ZDHHC21: variants seen among roughly 807,000 people sequenced by gnomAD.
The protein encoded by ZDHHC21 is palmitoyltransferase ZDHHC21.
Under a neutral mutation model 34.6 loss-of-function variants are expected in ZDHHC21, and 15 were observed. The observed-to-expected ratio is 0.43, with a 90% confidence interval of 0.29 to 0.67. ZDHHC21 has a LOEUF of 0.67. ZDHHC21 is among the 30% of genes least tolerant of loss of function. The probability of loss-of-function intolerance (pLI) is 0.14; values close to 1 mark genes in which losing one functional copy is unlikely to be tolerated. For missense variants in ZDHHC21, 344 were observed against 327.7 expected, an observed-to-expected ratio of 1.05 and a Z score of -0.38; for synonymous variants, 142 against 101.8, an observed-to-expected ratio of 1.40 and a Z score of -2.38.
chr9:14,659,996 T>G (rs1382640008), intron 6 of ZDHHC21, among the ~76,000 whole-genome samples: 1 of 152,212 alleles, frequency 6.6e-6, no homozygotes, highest in African/African-American at 2.4e-5. Flanking sequence ...AGCATTCTTC[T>G]TAACCAGAAC....
intron 7 of ZDHHC21, among the ~76,000 whole-genome samples, chr9:14,642,561 C>G (rs1222291039): frequency 6.6e-6 from 1 of 152,086 alleles, no homozygotes; most frequent in Non-Finnish European, 1.5e-5. Flanking sequence ...TAAAATGAGG[C>G]CCTTAGGGTG....
At chr9:14,604,564 T>C in the ZDHHC21 span, among the ~76,000 whole-genome samples, 4 of 152,242 alleles carry the variant, frequency 2.6e-5, no homozygotes, top group Middle Eastern at 3.4e-3. Context: ...ATCTGTAACA[T>C]TGCATGTTTT....
intron 8 of ZDHHC21, among the ~76,000 whole-genome samples, chr9:14,625,324 A>G (rs1826016943): frequency 6.6e-6 from 1 of 152,062 alleles, no homozygotes; most frequent in African/African-American, 2.4e-5. Flanking sequence ...TTCCAACAAA[A>G]GACCAGCTAT....
rs950501334 is a variant in ZDHHC21, at chr9:14,687,218, T to C, written c.-176+3119A>G. ...ACAGGCCAATCACCCATGAGTCAAATCCCAGTCACTTGCTGGCTTAAAATC... is the reference window on the plus strand; with the variant it reads ...ACAGGCCAATCACCCATGAGTCAAACCCCAGTCACTTGCTGGCTTAAAATC... On this transcript the variant is annotated intron_variant, in intron 2 of 9. Coordinates refer to ENST00000380916, the MANE Select transcript of ZDHHC21 (RefSeq NM_178566.6). Among the ~76,000 whole-genome samples, 4 of 150,716 alleles carry C rather than the reference T, an allele frequency of 2.7e-5. No individual in the cohort carries two copies. In the South Asian group the frequency reaches 6.2e-4, roughly 23 times the overall value.
At chr9:14,628,609 G>A (rs947714248) in intron 8 of ZDHHC21, among the ~76,000 whole-genome samples, 1 of 152,002 alleles carries the variant, frequency 6.6e-6, no homozygotes, top group Non-Finnish European at 1.5e-5. Flanking sequence ...TGCAATGGAA[G>A]GATTAAATTT....
At chr9:14,693,054 C>T (rs1270536373) in intron 1 of ZDHHC21, among the ~76,000 whole-genome samples, 175 bp downstream of exon 1, 1 of 151,564 alleles carries the variant, frequency 6.6e-6, no homozygotes, top group Admixed American at 6.6e-5. Flanking sequence ...CGAGAAACCC[C>T]CGGGTTCCAA....
chr9:14,633,271 G>A (rs763823127), intron 8 of ZDHHC21, among the ~76,000 whole-genome samples: 1 of 152,172 alleles, frequency 6.6e-6, no homozygotes, highest in Non-Finnish European at 1.5e-5. Flanking sequence ...AGGACTGACA[G>A]GAAAGCAAGG....
At chr9:14,651,985 C>T (rs1023786463) in intron 7 of ZDHHC21, among the ~76,000 whole-genome samples, 5 of 151,754 alleles carry the variant, frequency 3.3e-5, no homozygotes, top group African/African-American at 9.7e-5. Flanking sequence ...ACATTACTTT[C>T]GAGAGGGGTT....
intron 1 of ZDHHC21, among the ~76,000 whole-genome samples, chr9:14,692,844 G>C (rs1203797614): frequency 6.9e-6 from 1 of 145,542 alleles, no homozygotes; most frequent in African/African-American, 2.4e-5. Context: ...CTCCAGACGG[G>C]GGTGCGGGGA....
intron 2 of ZDHHC21, among the ~76,000 whole-genome samples, chr9:14,689,612 G>A (rs1838870100): frequency 6.6e-6 from 1 of 152,138 alleles, no homozygotes; most frequent in African/African-American, 2.4e-5. Context: ...TGTATTAGTA[G>A]TACTACACTG....
chr9:14,646,807 AT>A (rs955542546), intron 7 of ZDHHC21, among the ~76,000 whole-genome samples: 12 of 151,988 alleles, frequency 7.9e-5, no homozygotes, highest in African/African-American at 2.9e-4. Context: ...GCTGTATTTT[AT>A]TTTTTTCATA....
intron 8 of ZDHHC21, among the ~76,000 whole-genome samples, chr9:14,623,876 C>T (rs1825748884): frequency 6.6e-6 from 1 of 151,936 alleles, no homozygotes; most frequent in Non-Finnish European, 1.5e-5. Context: ...AAAAGGGAAC[C>T]CTTACACAGT....
At chr9:14,666,673 C>T (rs2133996960) in intron 5 of ZDHHC21, among the ~76,000 whole-genome samples, 1 of 105,430 alleles carries the variant, frequency 9.5e-6, no homozygotes, top group Non-Finnish European at 2.1e-5. Flanking sequence ...TGCAATCAAA[C>T]TAGAACTCAG....
At position 14,614,463 on chromosome 9, in the gene ZDHHC21, T is replaced by C. The variant is rs1023624231; in HGVS notation, c.*4503A>G. 1 of 151,678 alleles carries C rather than the reference T, an allele frequency of 6.6e-6. No individual in the cohort carries two copies. Among genetic ancestry groups the C allele is most frequent in the Non-Finnish European group, 1.5e-5 (1 of 67,728 alleles). 9.4% of individuals were successfully genotyped at this position (151,678 alleles called of 1,614,324 possible). On this transcript the variant is annotated 3_prime_UTR_variant, in exon 10 of 10. Coordinates refer to ENST00000380916, the MANE Select transcript of ZDHHC21 (RefSeq NM_178566.6). ...TTCCTGAAGTTAAACCATCATCATC[T>C]CAAAAGGAGCAGAAATGCTAAATAC...
chr9:14,684,897 C>T (rs1213635634), intron 2 of ZDHHC21, among the ~76,000 whole-genome samples: 1 of 152,190 alleles, frequency 6.6e-6, no homozygotes, highest in Non-Finnish European at 1.5e-5. Flanking sequence ...GAAATAATAG[C>T]ACACATCTAC....
At chr9:14,657,006 C>T (rs555628652) in intron 7 of ZDHHC21, among the ~76,000 whole-genome samples, 24 of 151,998 alleles carry the variant, frequency 1.6e-4, no homozygotes, top group Admixed American at 8.5e-4. Flanking sequence ...ACATATATGT[C>T]GTATATTCAA....
At chr9:14,605,241 G>T in the ZDHHC21 span, among the ~76,000 whole-genome samples, 1 of 149,598 alleles carries the variant, frequency 6.7e-6, no homozygotes, top group African/African-American at 2.5e-5. Flanking sequence ...TGGGAATCCT[G>T]AATCATATAG....
chr9:14,655,295 A>G (rs1162114091), intron 7 of ZDHHC21, among the ~76,000 whole-genome samples: 1 of 151,158 alleles, frequency 6.6e-6, no homozygotes, highest in Non-Finnish European at 1.5e-5. Flanking sequence ...AAATAAAAGC[A>G]TCTTCAGGGA....
intron 8 of ZDHHC21, among the ~76,000 whole-genome samples, chr9:14,639,117 C>T (rs144514858): frequency 9.9e-5 from 15 of 152,090 alleles, no homozygotes; most frequent in African/African-American, 3.6e-4. Context: ...AAGTGTCTAT[C>T]AACAGATGAA....
Sources: allele counts gnomAD v4.1 joint callset (sites outside exome capture counted in the v4.1 genomes callset), GRCh38; gene constraint gnomAD v4.1.1; transcripts MANE v1.5; gene names NCBI Gene and HGNC (gene_info 2026-07-23, HGNC 2026-07-21).